The following MALRD1 variants were observed in gnomAD, a reference collection of about 807,000 sequenced individuals.
The protein encoded by MALRD1 is MAM and LDL receptor class A domain containing 1, also known as MAM and LDL-receptor class A domain-containing protein 1.
MALRD1 carries 247 observed loss-of-function variants against 242.1 expected under a neutral mutation model. The ratio of observed to expected loss-of-function variants is 1.02; its 90% CI spans 0.92 to 1.13. MALRD1 has a LOEUF of 1.13. Among genes scored for constraint, MALRD1 ranks in the 50% most tolerant of loss-of-function variants. MALRD1 has a pLI of 0.00. For missense variants in MALRD1, 2,989 were observed against 2,533.1 expected (o/e 1.18, Z -3.86); for synonymous variants, 995 against 866.6 (o/e 1.15, Z -2.60).
At chr10:19,136,445 T>C (rs143897934) in intron 9 of MALRD1, 129 bp from the exon 10 acceptor site, 11 of 444,696 alleles carry the variant, frequency 2.5e-5, no homozygotes, top group Non-Finnish European at 3.7e-5. Flanking sequence ...ACAGGAACTT[T>C]GTTATATATT....
intron 29 of MALRD1, among the ~76,000 whole-genome samples, chr10:19,467,901 C>G (rs1836301670): frequency 1.3e-5 from 2 of 151,874 alleles, no homozygotes; most frequent in African/African-American, 4.8e-5. Flanking sequence ...TCACGTAATT[C>G]TCCTGCTTCA....
chr10:19,228,400 C>G lies in MALRD1; in HGVS notation c.2991+18720C>G, dbSNP rs74118884. On this transcript the variant is annotated intron_variant, in intron 18 of 39. Transcript: ENST00000454679. ...CTGTGTTCAGGAATGGAGAAAAGAT[C>G]AAATGCAAAACAGCAAAAGAAAACA... Among the ~76,000 whole-genome samples, 865 of 152,244 alleles carry G rather than the reference C, an allele frequency of 5.7e-3. 15 individuals are homozygous for G. The highest frequency in any genetic ancestry group is 0.02 in the African/African-American group (832 of 41,554).
At chr10:19,428,885 T>C (rs1834008143) in intron 28 of MALRD1, among the ~76,000 whole-genome samples, 2 of 152,104 alleles carry the variant, frequency 1.3e-5, no homozygotes, top group Admixed American at 1.3e-4. Context: ...GCTCTGAAGC[T>C]CTTTAAAAAA....
intron 14 of MALRD1, among the ~76,000 whole-genome samples, chr10:19,176,642 G>C (rs933744406): frequency 1.3e-5 from 2 of 151,686 alleles, no homozygotes; most frequent in African/African-American, 2.4e-5. Context: ...CCAAAGTGCT[G>C]GGATTACAGG....
At chr10:19,487,899 A>G (rs12776880) in intron 29 of MALRD1, among the ~76,000 whole-genome samples, 14 of 151,962 alleles carry the variant, frequency 9.2e-5, no homozygotes, top group Non-Finnish European at 4.4e-5. Context: ...GGTTTTAGCT[A>G]TTGTATTATG....
At chr10:19,219,995 A>G (rs1208583953) in intron 18 of MALRD1, among the ~76,000 whole-genome samples, 4 of 152,306 alleles carry the variant, frequency 2.6e-5, no homozygotes, top group East Asian at 1.9e-4. Flanking sequence ...GCAGCCTTAA[A>G]CAATTTTAAA....
intron 36 of MALRD1, among the ~76,000 whole-genome samples, chr10:19,660,131 T>G (rs1841360917): frequency 6.6e-6 from 1 of 152,178 alleles, no homozygotes; most frequent in Admixed American, 6.5e-5. Flanking sequence ...ATGACTTTTT[T>G]GTTCTCTGCT....
intron 31 of MALRD1, among the ~76,000 whole-genome samples, chr10:19,503,942 C>G (rs537013879): frequency 1.3e-3 from 200 of 152,282 alleles, no homozygotes; most frequent in African/African-American, 4.5e-3. Context: ...ACTATGGAAT[C>G]AAATATGCTG....
rs1416407957 is a variant in MALRD1, at chr10:19,232,762, T to A, written c.2991+23082T>A. ...AAAAGTATACATACAAGCATGCAGATGAATTTCGGTGAATACAGTGGTGAC... is the reference window on the plus strand; with the variant it reads ...AAAAGTATACATACAAGCATGCAGAAGAATTTCGGTGAATACAGTGGTGAC... On this transcript the variant is annotated intron_variant, in intron 18 of 39. Transcript: ENST00000454679. 3.3e-5 allele frequency among the ~76,000 whole-genome samples: 5 copies of A among 152,160 alleles called. No homozygotes were observed. In the East Asian group the frequency reaches 9.6e-4, roughly 29 times the overall value.
intron 28 of MALRD1, among the ~76,000 whole-genome samples, chr10:19,449,337 C>T (rs766373204): frequency 1.2e-4 from 19 of 152,160 alleles, no homozygotes; most frequent in Non-Finnish European, 2.2e-4. Context: ...CCACCACGCC[C>T]GGCTAATGTT....
intron 13 of MALRD1, among the ~76,000 whole-genome samples, chr10:19,170,426 T>C (rs1366750737): frequency 6.6e-6 from 1 of 152,200 alleles, no homozygotes; most frequent in African/African-American, 2.4e-5. Flanking sequence ...ATTTTAGATT[T>C]CATTTTGAAA....
chr10:19,327,471 T>TA (rs368517843), intron 22 of MALRD1, 92 bp from the exon 23 acceptor site: 38,016 of 802,234 alleles, frequency 0.047, 57 homozygotes, highest in Non-Finnish European at 0.053. Context: ...ATATTGCAAC[T>TA]AAAAAAAAAA....
At chr10:19,121,215 A>G (rs1449868559) in intron 5 of MALRD1, among the ~76,000 whole-genome samples, 1 of 150,430 alleles carries the variant, frequency 6.6e-6, no homozygotes, top group Admixed American at 6.6e-5. Context: ...TAATTTTTGT[A>G]TTTTTAGTAG....
intron 38 of MALRD1, among the ~76,000 whole-genome samples, chr10:19,699,234 A>G (rs1228098294): frequency 2.0e-5 from 3 of 150,252 alleles, no homozygotes; most frequent in African/African-American, 7.4e-5. Context: ...AATAAAGACC[A>G]TGGTGTAATA....
intron 29 of MALRD1, among the ~76,000 whole-genome samples, chr10:19,452,921 G>A (rs182285823): frequency 1.1e-4 from 17 of 152,226 alleles, no homozygotes; most frequent in Admixed American, 2.0e-4. Flanking sequence ...TCTTCATTTC[G>A]CTTTGCGTCG....
intron 32 of MALRD1, among the ~76,000 whole-genome samples, chr10:19,561,191 A>G (rs1397277868): frequency 2.6e-5 from 4 of 152,132 alleles, no homozygotes; most frequent in African/African-American, 9.7e-5. Flanking sequence ...AAGAGCATAC[A>G]TTGTATGATT....
chr10:19,509,927 C>A (rs936254277), intron 31 of MALRD1, among the ~76,000 whole-genome samples: 1 of 147,716 alleles, frequency 6.8e-6, no homozygotes, highest in East Asian at 2.0e-4. Flanking sequence ...CCCAGGGGAC[C>A]GGCGCTCAGC....
At chr10:19,279,518 C>T (rs1290212157) in intron 19 of MALRD1, among the ~76,000 whole-genome samples, 2 of 152,182 alleles carry the variant, frequency 1.3e-5, no homozygotes, top group Non-Finnish European at 2.9e-5. Context: ...TGTCTTCCAT[C>T]CTCAGTAATT....
intron 21 of MALRD1, among the ~76,000 whole-genome samples, chr10:19,318,476 T>G (rs1056655916): frequency 6.6e-6 from 1 of 151,524 alleles, no homozygotes; most frequent in Non-Finnish European, 1.5e-5. Context: ...TTTTCTAGAA[T>G]TCTGTTGGAT....
Sources: allele counts gnomAD v4.1 joint callset (sites outside exome capture counted in the v4.1 genomes callset), GRCh38; gene constraint gnomAD v4.1.1; transcripts MANE v1.5; gene names NCBI Gene and HGNC (gene_info 2026-07-23, HGNC 2026-07-21).